OR1J2: variants seen among roughly 807,000 people sequenced by gnomAD.
OR1J2 encodes the protein olfactory receptor family 1 subfamily J member 2.
For synonymous variants in OR1J2, 142 were observed against 99.7 expected (o/e 1.42, Z -2.52); for missense variants, 304 against 246.1 (o/e 1.24, Z -1.57).
the OR1J2 span, among the ~76,000 whole-genome samples, chr9:122,503,845 T>G: frequency 3.3e-5 from 5 of 152,220 alleles, no homozygotes; most frequent in Non-Finnish European, 5.9e-5. Flanking sequence ...GCAGGGAGTA[T>G]TTCCCTTGAT....
the OR1J2 span, among the ~76,000 whole-genome samples, chr9:122,499,059 C>G: frequency 2.6e-5 from 4 of 152,260 alleles, no homozygotes; most frequent in Admixed American, 6.5e-5. Flanking sequence ...GAAGCTCCCT[C>G]TTGCCTCAGG....
At chr9:122,527,196 T>G in the OR1J2 span, 4 of 1,614,086 alleles carry the variant, frequency 2.5e-6, no homozygotes, top group Admixed American at 6.7e-5. Context: ...GGTGACAAGA[T>G]ACATACACAG....
chr9:122,471,146 G>T, the OR1J2 span, among the ~76,000 whole-genome samples: 1 of 152,128 alleles, frequency 6.6e-6, no homozygotes, highest in Non-Finnish European at 1.5e-5. Context: ...GATATGGTTT[G>T]GCTCTGTGTC....
chr9:122,567,719 A>G, the OR1J2 span: 1 of 1,614,120 alleles, frequency 6.2e-7, no homozygotes, highest in African/African-American at 1.3e-5. Context: ...AGATGCTTCC[A>G]TAAAAGAGCG....
chr9:122,539,798 A>C, the OR1J2 span, among the ~76,000 whole-genome samples: 1 of 152,214 alleles, frequency 6.6e-6, no homozygotes, highest in East Asian at 1.9e-4. Flanking sequence ...CTTTTTAATG[A>C]TCGCCATTCT....
the OR1J2 span, chr9:122,519,538 C>G: frequency 1.2e-6 from 2 of 1,614,064 alleles, no homozygotes; most frequent in African/African-American, 1.3e-5. Flanking sequence ...CTCCGCTACA[C>G]CACTATCATG....
the OR1J2 span, among the ~76,000 whole-genome samples, chr9:122,499,035 C>G: frequency 2.0e-5 from 3 of 152,216 alleles, no homozygotes; most frequent in African/African-American, 7.2e-5. Context: ...GTACTTAATC[C>G]TTGTTTACTG....
chr9:122,503,666 A>G, the OR1J2 span, among the ~76,000 whole-genome samples: 1 of 152,180 alleles, frequency 6.6e-6, no homozygotes, highest in Non-Finnish European at 1.5e-5. Context: ...TCATAGGTTC[A>G]TCCACTTTAT....
the OR1J2 span, among the ~76,000 whole-genome samples, chr9:122,517,116 G>C: frequency 1.3e-5 from 2 of 152,178 alleles, no homozygotes; most frequent in Non-Finnish European, 2.9e-5. Context: ...CTCCAGATTA[G>C]AGATGAGAAA....
the OR1J2 span, among the ~76,000 whole-genome samples, chr9:122,524,984 G>A: frequency 4.6e-5 from 7 of 152,208 alleles, no homozygotes; most frequent in South Asian, 1.4e-3. Context: ...GCTTGGAGGA[G>A]ACTGTCAGTG....
At chr9:122,511,881 A>C, downstream of OR1J2, 1 of 625,646 alleles carries the variant, frequency 1.6e-6, no homozygotes, top group East Asian at 2.7e-5. Flanking sequence ...ATTGGTAAAT[A>C]TTTGTTGGCC....
chr9:122,520,987 A>G, the OR1J2 span, among the ~76,000 whole-genome samples: 2 of 152,210 alleles, frequency 1.3e-5, no homozygotes, highest in Non-Finnish European at 1.5e-5. Context: ...AGCAATGTGT[A>G]GCTGCAAGAG....
chr9:122,535,433 G>T, the OR1J2 span, among the ~76,000 whole-genome samples: 1 of 152,112 alleles, frequency 6.6e-6, no homozygotes, highest in Non-Finnish European at 1.5e-5. Context: ...ACAGGCACCG[G>T]AGTTTTGGGT....
chr9:122,503,712 T>G, the OR1J2 span, among the ~76,000 whole-genome samples: 2 of 152,190 alleles, frequency 1.3e-5, no homozygotes, highest in Non-Finnish European at 2.9e-5. Flanking sequence ...CTTCCACTCT[T>G]ACTCCCTCCA....
At chr9:122,490,589 A>G in the OR1J2 span, among the ~76,000 whole-genome samples, 3 of 152,224 alleles carry the variant, frequency 2.0e-5, no homozygotes, top group Non-Finnish European at 4.4e-5. Context: ...GGTGATGTCA[A>G]CAACATAGAG....
upstream of OR1J2, among the ~76,000 whole-genome samples, chr9:122,510,204 ATTTAACCATGGC>A (rs1410906145): frequency 4.6e-5 from 7 of 152,152 alleles, no homozygotes; most frequent in Non-Finnish European, 1.0e-4. Context: ...CTCATCTGAA[ATTTAACCATGGC>A]TGGTGAAGTC....
At chr9:122,567,789 G>A in the OR1J2 span, 3 of 1,613,852 alleles carry the variant, frequency 1.9e-6, no homozygotes, top group Admixed American at 3.3e-5. Flanking sequence ...AGAAGTAGAG[G>A]GAATCTTGAG....
the OR1J2 span, among the ~76,000 whole-genome samples, chr9:122,481,898 C>T: frequency 6.6e-6 from 1 of 152,028 alleles, no homozygotes; most frequent in Non-Finnish European, 1.5e-5. Context: ...AGATCCAAAA[C>T]AGTAAAACTA....
At chr9:122,504,997 C>T in the OR1J2 span, among the ~76,000 whole-genome samples, 1 of 152,046 alleles carries the variant, frequency 6.6e-6, no homozygotes, top group Non-Finnish European at 1.5e-5. Context: ...ATTCTTTTAA[C>T]CGTCTTCCCT....
Sources: allele counts gnomAD v4.1 joint callset (sites outside exome capture counted in the v4.1 genomes callset), GRCh38; gene constraint gnomAD v4.1.1; transcripts MANE v1.5; gene names NCBI Gene and HGNC (gene_info 2026-07-23, HGNC 2026-07-21).